Variants in SAXO1 observed in about 807,000 individuals in gnomAD.
SAXO1 encodes the protein stabilizer of axonemal microtubules 1, also known as 4930500O09Rik.
Under a neutral mutation model 17.5 loss-of-function variants are expected in SAXO1, and 21 were observed. The observed-to-expected ratio is 1.20, with a 90% CI of 0.85 to 1.72. The LOEUF (loss-of-function observed/expected upper bound fraction) is 1.72. Among genes scored for constraint, SAXO1 ranks in the 40% most tolerant of loss-of-function variants. SAXO1 has a pLI of 0.00. For missense variants in SAXO1, 843 were observed against 596.0 expected (o/e 1.41, Z -4.32); for synonymous variants, 274 against 216.5 (o/e 1.27, Z -2.33).
At position 18,928,746 on chromosome 9, in the gene SAXO1, T is replaced by A. The variant is rs756285838; in HGVS notation, c.731A>T (p.Tyr244Phe). 2 of 1,613,928 alleles carry A rather than the reference T, an allele frequency of 1.2e-6. No homozygotes were observed. Among genetic ancestry groups the A allele is most frequent in the Admixed American group, 3.3e-5 (2 of 59,996 alleles). Reference sequence around the variant, plus strand: ...GGCAGGCTCCCCCATCAGGCCCCGGTAGGATTGTTTTTGAGTGGTAAGGCT... The same window carrying A: ...GGCAGGCTCCCCCATCAGGCCCCGGAAGGATTGTTTTTGAGTGGTAAGGCT... ...FESLTTQKQS[Y>F]RGLMGEPAKS... Residue 244 changes from tyrosine to phenylalanine, a missense_variant, in exon 4 of 4, where the codon TAC becomes TTC. By Grantham distance (22) the Tyr-to-Phe change is conservative. Transcript: ENST00000380534.
At chr9:18,994,620 G>C (rs1588497184) in intron 1 of SAXO1, among the ~76,000 whole-genome samples, 1 of 152,318 alleles carries the variant, frequency 6.6e-6, no homozygotes, top group Middle Eastern at 3.4e-3. Flanking sequence ...AATCCTAACA[G>C]AGACCCCGGG....
At chr9:18,979,918 A>G (rs1377496131) in intron 1 of SAXO1, among the ~76,000 whole-genome samples, 2 of 152,228 alleles carry the variant, frequency 1.3e-5, no homozygotes, top group African/African-American at 2.4e-5. Context: ...ACCTACACTA[A>G]AGTGTGAAAA....
At chr9:19,017,472 G>T (rs867660589) in intron 1 of SAXO1, among the ~76,000 whole-genome samples, 1 of 152,216 alleles carries the variant, frequency 6.6e-6, no homozygotes, top group African/African-American at 2.4e-5. Flanking sequence ...ACCAGAGCAT[G>T]GCCAGTGACA....
At chr9:18,968,566 G>T (rs943239611) in intron 1 of SAXO1, among the ~76,000 whole-genome samples, 1 of 150,726 alleles carries the variant, frequency 6.6e-6, no homozygotes, top group Non-Finnish European at 1.5e-5. Context: ...GATAGATAGT[G>T]GCATCATGGT....
intron 2 of SAXO1, among the ~76,000 whole-genome samples, chr9:18,949,212 A>T (rs1182468575): frequency 1.3e-5 from 2 of 152,244 alleles, no homozygotes; most frequent in African/African-American, 4.8e-5. Context: ...CAAACACTGC[A>T]CTTAAACCAA....
intron 1 of SAXO1, among the ~76,000 whole-genome samples, chr9:19,000,783 C>T (rs1488552040): frequency 6.6e-6 from 1 of 152,104 alleles, no homozygotes; most frequent in East Asian, 1.9e-4. Context: ...GCAGGGGTTG[C>T]AATCCTGGTC....
chr9:19,044,825 T>C (rs1457581208), intron 1 of SAXO1, among the ~76,000 whole-genome samples: 1 of 151,720 alleles, frequency 6.6e-6, no homozygotes, highest in Non-Finnish European at 1.5e-5. Flanking sequence ...ATGGCGCCAC[T>C]GCACTCCAGC....
At chr9:19,004,858 G>A (rs553810070) in intron 1 of SAXO1, among the ~76,000 whole-genome samples, 1 of 152,044 alleles carries the variant, frequency 6.6e-6, no homozygotes, top group African/African-American at 2.4e-5. Flanking sequence ...CTAGAACTTA[G>A]AGTAAAATAA....
chr9:18,938,239 C>A (rs1831380853), intron 3 of SAXO1, among the ~76,000 whole-genome samples: 1 of 152,072 alleles, frequency 6.6e-6, no homozygotes, highest in African/African-American at 2.4e-5. Flanking sequence ...GGAAGTCAGC[C>A]ATTATATTAG....
intron 1 of SAXO1, among the ~76,000 whole-genome samples, chr9:18,989,128 G>T (rs1833704929): frequency 6.6e-6 from 1 of 152,100 alleles, no homozygotes; most frequent in African/African-American, 2.4e-5. Context: ...ATCATTACTT[G>T]GAAAATGGCA....
chr9:19,033,782 A>T (rs1001785526), upstream of SAXO1, among the ~76,000 whole-genome samples: 1 of 152,296 alleles, frequency 6.6e-6, no homozygotes. Context: ...GCTTGATGAA[A>T]ACCAGATTGC....
chr9:18,983,145 C>G (rs1932449), intron 1 of SAXO1, among the ~76,000 whole-genome samples: 126,910 of 152,192 alleles, frequency 0.83, 53,266 homozygotes, highest in African/African-American at 0.92. Context: ...CCACTATAAA[C>G]AACTACCTGA....
intron 1 of SAXO1, among the ~76,000 whole-genome samples, chr9:19,048,608 G>C (rs553236177): frequency 6.6e-6 from 1 of 152,344 alleles, no homozygotes; most frequent in Non-Finnish European, 1.5e-5. Context: ...GAGGGGCACA[G>C]GGTAGCCTAT....
chr9:18,957,046 C>G (rs1221799725), intron 1 of SAXO1, among the ~76,000 whole-genome samples: 1 of 152,174 alleles, frequency 6.6e-6, no homozygotes, highest in Non-Finnish European at 1.5e-5. Context: ...CAGCCTGTAC[C>G]AAGTAATTCT....
At chr9:19,000,514 T>C (rs1834219252) in intron 1 of SAXO1, among the ~76,000 whole-genome samples, 2 of 149,506 alleles carry the variant, frequency 1.3e-5, no homozygotes, top group Non-Finnish European at 1.5e-5. Context: ...AAGTGAGGGG[T>C]GCCTCTGCAC....
chr9:19,021,184 G>T (rs1470596510), intron 1 of SAXO1, among the ~76,000 whole-genome samples: 2 of 152,196 alleles, frequency 1.3e-5, no homozygotes, highest in Non-Finnish European at 2.9e-5. Flanking sequence ...CCAACCAGGA[G>T]CTCTTTTCTG....
At chr9:19,046,424 G>A (rs989316092) in intron 1 of SAXO1, among the ~76,000 whole-genome samples, 17 of 152,094 alleles carry the variant, frequency 1.1e-4, no homozygotes, top group East Asian at 5.8e-4. Flanking sequence ...GGCCAGGTGC[G>A]GTGGCTCACG....
At chr9:18,991,925 C>T (rs576585533) in intron 1 of SAXO1, among the ~76,000 whole-genome samples, 212 of 152,230 alleles carry the variant, frequency 1.4e-3, no homozygotes, top group Non-Finnish European at 2.5e-3. Flanking sequence ...TCTGTAAAAA[C>T]TCAAGAGACT....
At chr9:18,975,226 AGTGCAGGCTGGGGAAGCAGGGAG>A (rs1833096365) in intron 1 of SAXO1, among the ~76,000 whole-genome samples, 1 of 6,998 alleles carries the variant, frequency 1.4e-4, no homozygotes, top group South Asian at 3.3e-3. Context: ...AAGCAGGGAG[AGTGCAGGCTGGGGAAGCAGGGAG>A]AGTGCAGGCT....
Sources: allele counts gnomAD v4.1 joint callset (sites outside exome capture counted in the v4.1 genomes callset), GRCh38; gene constraint gnomAD v4.1.1; transcripts MANE v1.5; gene names NCBI Gene and HGNC (gene_info 2026-07-23, HGNC 2026-07-21).